MAML2: variants seen among roughly 807,000 people sequenced by gnomAD.
The protein encoded by MAML2 is mastermind like transcriptional coactivator 2.
MAML2 carries 22 observed loss-of-function variants against 96.1 expected under a neutral mutation model. The observed-to-expected ratio is 0.23, with a 90% CI of 0.16 to 0.33. MAML2 has a LOEUF of 0.33. Ranked by LOEUF, MAML2 falls within the 10% of genes least tolerant of loss-of-function variation. MAML2 has a pLI of 1.00. For synonymous variants in MAML2, 561 were observed against 521.3 expected, an observed-to-expected ratio of 1.08 and a Z score of -1.04; for missense variants, 1,367 against 1,392.4, an observed-to-expected ratio of 0.98 and a Z score of 0.29.
Position 96,175,673 on chromosome 11 carries a change from C to A in MAML2, c.514-82156G>T, listed in dbSNP as rs539412352. 5.6e-4 allele frequency among the ~76,000 whole-genome samples: 86 copies of A among 152,240 alleles called. 3 individuals are homozygous for A. In the South Asian group the frequency reaches 0.017, roughly 29 times the overall value. On this transcript the variant is annotated intron_variant, in intron 1 of 4. Coordinates refer to ENST00000524717, the MANE Select transcript of MAML2 (RefSeq NM_032427.4). ...TGGCGTGATCTCGGCTCACTGCAAC[C>A]TCCACCTCCTGGGTTCAAGCTTTTC...
intron 2 of MAML2, among the ~76,000 whole-genome samples, chr11:96,026,815 TG>T (rs1190799131): frequency 1.5e-4 from 13 of 88,954 alleles, no homozygotes; most frequent in Admixed American, 4.7e-4. Context: ...AGCATTGCTA[TG>T]GGGTTAAAAA....
chr11:96,189,682 C>T lies in MAML2; in HGVS notation c.514-96165G>A, dbSNP rs192504511. Among the ~76,000 whole-genome samples, 12 of 152,268 alleles carry T rather than the reference C, an allele frequency of 7.9e-5. No homozygotes were observed. The East Asian group carries it at 2.3e-3, about 29-fold the overall frequency. On this transcript the variant is annotated intron_variant, in intron 1 of 4. Transcript: ENST00000524717. The stretch of plus-strand genomic sequence containing the variant: ...GCTATTAGAATGTGAAATCTACTTG[C>T]TACTTTGTTTGTTGGGCATTTTGTT...
chr11:96,023,734 T>G (rs913028365), intron 2 of MAML2, among the ~76,000 whole-genome samples: 3 of 152,158 alleles, frequency 2.0e-5, no homozygotes, highest in Admixed American at 1.3e-4. Flanking sequence ...ATACAAGTAG[T>G]TCACATCTCG....
chr11:96,112,698 G>A (rs1049112777), intron 1 of MAML2, among the ~76,000 whole-genome samples: 1 of 152,192 alleles, frequency 6.6e-6, no homozygotes, highest in Non-Finnish European at 1.5e-5. Context: ...CACCTTCTGT[G>A]ATTATGTGTC....
chr11:96,193,375 A>G (rs1371892041), intron 1 of MAML2, among the ~76,000 whole-genome samples: 1 of 152,162 alleles, frequency 6.6e-6, no homozygotes, highest in Non-Finnish European at 1.5e-5. Context: ...TTTCAACAAC[A>G]ACAAAAAAAA....
chr11:96,270,512 T>A (rs1000840038), intron 1 of MAML2, among the ~76,000 whole-genome samples: 1 of 152,160 alleles, frequency 6.6e-6, no homozygotes, highest in Non-Finnish European at 1.5e-5. Context: ...GGTTTCACCA[T>A]GTTGGTCAGG....
At chr11:96,003,298 T>G (rs564397699) in intron 2 of MAML2, among the ~76,000 whole-genome samples, 1 of 152,092 alleles carries the variant, frequency 6.6e-6, no homozygotes, top group Non-Finnish European at 1.5e-5. Flanking sequence ...TACTTCTCAT[T>G]TTTTGAAAGA....
At chr11:96,151,042 A>G (rs886651991) in intron 1 of MAML2, among the ~76,000 whole-genome samples, 1 of 152,268 alleles carries the variant, frequency 6.6e-6, no homozygotes, top group African/African-American at 2.4e-5. Flanking sequence ...GCTTTCAAGC[A>G]TAGCTCTACT....
intron 2 of MAML2, among the ~76,000 whole-genome samples, chr11:96,029,053 T>G (rs1362854332): frequency 6.6e-6 from 1 of 152,150 alleles, no homozygotes; most frequent in African/African-American, 2.4e-5. Flanking sequence ...CTTCTAAACA[T>G]TTTGAACTGA....
chr11:95,979,141 C>G lies in MAML2; in HGVS notation c.3278G>C (p.Ser1093Thr), dbSNP rs750056569. 1.2e-6 allele frequency: 2 copies of G among 1,613,836 alleles called. No homozygotes were observed. Among genetic ancestry groups the G allele is most frequent in the Non-Finnish European group, 1.7e-6 (2 of 1,179,896 alleles). The change falls in exon 5 of 5, where the codon AGT becomes ACT. Residue 1093 changes from serine to threonine, a missense_variant. Transcript: ENST00000524717. ...TPSNFPSPNQ[S>T]SRAFQGTDHS... ...GTCAGTTCCTTGAAAAGCCCTGGAA[C>G]TTTGGTTGGGTGAAGGAAAATTGCT...
At chr11:96,232,317 G>T (rs1862305110) in intron 1 of MAML2, among the ~76,000 whole-genome samples, 1 of 152,168 alleles carries the variant, frequency 6.6e-6, no homozygotes, top group South Asian at 2.1e-4. Flanking sequence ...GTGAGAAATT[G>T]TTTGGCATAA....
intron 1 of MAML2, among the ~76,000 whole-genome samples, chr11:96,230,771 G>A (rs565268753): frequency 6.6e-5 from 10 of 152,280 alleles, no homozygotes; most frequent in East Asian, 3.9e-4. Flanking sequence ...GGAACAATAC[G>A]AAGCCTAATG....
At chr11:96,144,240 T>G (rs1296463251) in intron 1 of MAML2, among the ~76,000 whole-genome samples, 1 of 152,188 alleles carries the variant, frequency 6.6e-6, no homozygotes, top group African/African-American at 2.4e-5. Context: ...TGAGTAACAT[T>G]AATTAGAGTC....
chr11:96,140,405 A>G (rs1860711730), intron 1 of MAML2, among the ~76,000 whole-genome samples: 1 of 152,222 alleles, frequency 6.6e-6, no homozygotes, highest in Non-Finnish European at 1.5e-5. Context: ...GCCTCTGGTG[A>G]GGTATGTAGT....
intron 2 of MAML2, among the ~76,000 whole-genome samples, chr11:96,064,460 T>A (rs1456781562): frequency 6.6e-6 from 1 of 152,254 alleles, no homozygotes; most frequent in Non-Finnish European, 1.5e-5. Context: ...TTTGTCCGAA[T>A]GTGGAAAAAT....
intron 1 of MAML2, among the ~76,000 whole-genome samples, chr11:96,111,893 C>T (rs1275346571): frequency 6.6e-6 from 1 of 151,934 alleles, no homozygotes; most frequent in Non-Finnish European, 1.5e-5. Context: ...CTGAGGGAAA[C>T]ATTTTAATTT....
intron 2 of MAML2, among the ~76,000 whole-genome samples, chr11:96,019,146 GT>G (rs762095756): frequency 5.9e-5 from 9 of 152,074 alleles, no homozygotes; most frequent in Non-Finnish European, 1.3e-4. Context: ...TGAGTTTTAG[GT>G]TTTATGCCTA....
chr11:96,289,684 T>TAC (rs1460243816), intron 1 of MAML2, among the ~76,000 whole-genome samples: 1 of 152,224 alleles, frequency 6.6e-6, no homozygotes, highest in East Asian at 1.9e-4. Flanking sequence ...ATATGTGCAA[T>TAC]ACAAAGTGTA....
chr11:96,196,308 T>TG (rs1861730531), intron 1 of MAML2, among the ~76,000 whole-genome samples: 1 of 151,984 alleles, frequency 6.6e-6, no homozygotes, highest in Non-Finnish European at 1.5e-5. Context: ...TAGGAAAGGT[T>TG]TGTCATTTTC....
Sources: allele counts gnomAD v4.1 joint callset (sites outside exome capture counted in the v4.1 genomes callset), GRCh38; gene constraint gnomAD v4.1.1; transcripts MANE v1.5; gene names NCBI Gene and HGNC (gene_info 2026-07-23, HGNC 2026-07-21).